Variants in RAB8A observed in about 807,000 individuals in gnomAD.
RAB8A encodes RAB8A, member RAS oncogene family, also known as ras-related protein Rab-8A.
RAB8A carries 5 observed loss-of-function variants against 29.2 expected under a neutral mutation model. The ratio of observed to expected loss-of-function variants is 0.17; its 90% CI spans 0.09 to 0.36. RAB8A has a LOEUF of 0.36. Ranked by LOEUF, RAB8A falls within the 10% of genes least tolerant of loss-of-function variation. RAB8A has a pLI of 1.00. For synonymous variants in RAB8A, 108 were observed against 99.9 expected, an observed-to-expected ratio of 1.08 and a Z score of -0.49; for missense variants, 171 against 272.2, an observed-to-expected ratio of 0.63 and a Z score of 2.62.
At chr19:16,124,991 G>GTT in intron 3 of RAB8A, 2 of 210,414 alleles carry the variant, frequency 9.5e-6, no homozygotes, top group Non-Finnish European at 2.0e-5. Flanking sequence ...GTGGATGTCG[G>GTT]GTCAGGACTT....
In RAB8A at chr19:16,122,720, G is replaced by A. The variant is rs1038879027; in HGVS notation, c.246+910G>A. 1.8e-4 allele frequency among the ~76,000 whole-genome samples: 27 copies of A among 152,204 alleles called. No homozygotes were observed. Among genetic ancestry groups the A allele is most frequent in the African/African-American group, 5.8e-4 (24 of 41,450 alleles). On this transcript the variant is annotated intron_variant, in intron 3 of 7. Transcript: ENST00000300935. This position sits in a 1 kb window ranked among gnomAD's most constrained non-coding sequence, Gnocchi z 4.7. Reference sequence around the variant, plus strand: ...GTTGCTCAGGAAAGACTTGTGGAGGGTGGAGATGGAAGGAGGCATTATGTG... The same window carrying A: ...GTTGCTCAGGAAAGACTTGTGGAGGATGGAGATGGAAGGAGGCATTATGTG...
At position 16,125,575 on chromosome 19, in the gene RAB8A, C is replaced by T. The variant is rs188057639; in HGVS notation, c.324+28C>T. The stretch of plus-strand genomic sequence containing the variant: ...GAGGCCCTCCGGCTCCTCCCACTGT[C>T]CCTGCTTCAGTCCTTGTCCCAGAGC... On this transcript the variant is annotated intron_variant, in intron 4 of 7. Coordinates refer to ENST00000300935, the MANE Select transcript of RAB8A (RefSeq NM_005370.5). This position sits in a 1 kb window ranked among gnomAD's most constrained non-coding sequence, Gnocchi z 5.0. The T allele has an allele frequency of 2.9e-4, 467 of 1,586,174 alleles. 1 individual carries two copies. In the African/African-American group the frequency reaches 6.0e-3, roughly 20 times the overall value.
intron 2 of RAB8A, 51 bp downstream of exon 2, chr19:16,118,337 C>G: frequency 6.5e-7 from 1 of 1,550,164 alleles, no homozygotes; most frequent in South Asian, 1.1e-5. Flanking sequence ...TGGCTTCAAG[C>G]CAGAAGCCCT....
chr19:16,112,167 C>G (rs1175307104), intron 1 of RAB8A, 142 bp downstream of exon 1: 11 of 1,221,628 alleles, frequency 9.0e-6, no homozygotes. Flanking sequence ...GAAGAGCAGT[C>G]GCCTGCACCG....
intron 3 of RAB8A, chr19:16,124,998 A>C: frequency 6.9e-5 from 12 of 173,016 alleles, no homozygotes; most frequent in South Asian, 4.1e-4. Context: ...TCGGGTCAGG[A>C]CTTCCTGGGC....
chr19:16,119,297 C>G (rs914185763), intron 2 of RAB8A, among the ~76,000 whole-genome samples: 2 of 152,280 alleles, frequency 1.3e-5, no homozygotes, highest in Admixed American at 1.3e-4. Flanking sequence ...CCTCTGCCCC[C>G]CGGGTTCAAG....
In RAB8A at chr19:16,125,008, C is replaced by CCGTA; in HGVS notation, c.247-462_247-461insCGTA. The CCGTA allele has an allele frequency of 2.6e-3, 495 of 188,634 alleles. No individual in the cohort carries two copies. The highest frequency in any genetic ancestry group is 0.015 in the South Asian group (139 of 9,560). 11.7% of individuals were successfully genotyped at this position (188,634 alleles called of 1,614,324 possible). ...GGATGTCGGGTCAGGACTTCCTGGGCTCAGTTGTGCCTGGTAGGTGGCTCA... is the reference window on the plus strand; with the variant it reads ...GGATGTCGGGTCAGGACTTCCTGGGCCGTATCAGTTGTGCCTGGTAGGTGGCTCA... On this transcript the variant is annotated intron_variant, in intron 3 of 7. Transcript: ENST00000300935. The surrounding 1 kb of genome is among the most constrained non-coding windows in gnomAD (Gnocchi z 5.0).
In RAB8A at chr19:16,125,639, A is replaced by T. The variant is rs1188446241; in HGVS notation, c.324+92A>T. 1 of 1,222,126 alleles carries T rather than the reference A, an allele frequency of 8.2e-7. No individual in the cohort carries two copies. The highest frequency in any genetic ancestry group is 1.3e-5 in the South Asian group (1 of 78,172). 75.7% of individuals were successfully genotyped at this position (1,222,126 alleles called of 1,614,324 possible). A position where few individuals can be genotyped will look rare whatever the true frequency, so the allele number is the denominator to read the frequency against. On this transcript the variant is annotated intron_variant, in intron 4 of 7. Transcript: ENST00000300935. The surrounding 1 kb of genome is among the most constrained non-coding windows in gnomAD (Gnocchi z 5.0). ...CATGAGAAGGCCAAGGTGCAGAGAC[A>T]CATACAGGCCACTTGCCCACAGCCT...
At chr19:16,112,175 C>T (rs1293024486) in intron 1 of RAB8A, 150 bp downstream of exon 1, 6 of 1,210,444 alleles carry the variant, frequency 5.0e-6, no homozygotes, top group Middle Eastern at 2.9e-4. Flanking sequence ...GTCGCCTGCA[C>T]CGCCGTTCGG....
chr19:16,132,024 T>C lies in RAB8A; in HGVS notation c.532-188T>C, dbSNP rs888371134. On this transcript the variant is annotated intron_variant, in intron 7 of 7. Coordinates refer to ENST00000300935, the MANE Select transcript of RAB8A (RefSeq NM_005370.5). The surrounding 1 kb of genome is among the most constrained non-coding windows in gnomAD (Gnocchi z 5.6). ...ACCTGGCAGATGATGGATGGATGGT[T>C]GGATGGCTCGTTGGTTAGTTGGTTG... 1.3e-5 allele frequency among the ~76,000 whole-genome samples: 2 copies of C among 151,256 alleles called. No individual in the cohort carries two copies. The highest frequency in any genetic ancestry group is 4.9e-5 in the African/African-American group (2 of 41,076).
rs1192847718 is a variant in RAB8A at position 16,132,336 on chromosome 19, C to T, written c.*32C>T. 6.2e-7 allele frequency: 1 copy of T among 1,600,052 alleles called. No homozygotes were observed. Among genetic ancestry groups the T allele is most frequent in the Non-Finnish European group, 8.5e-7 (1 of 1,170,258 alleles). ...CCGCCTTACTCTGAGCCTCGCTCAG[C>T]CCAGCTGACTGTGCCTGTTCTGAGT... On this transcript the variant is annotated 3_prime_UTR_variant, in exon 8 of 8. Transcript: ENST00000300935. The surrounding 1 kb of genome is among the most constrained non-coding windows in gnomAD (Gnocchi z 5.6).
Position 16,125,176 on chromosome 19 carries a change from G to A in RAB8A, c.247-294G>A. 3 of 500,936 alleles carry A rather than the reference G, an allele frequency of 6.0e-6. No individual in the cohort carries two copies. The highest frequency in any genetic ancestry group is 1.1e-5 in the Non-Finnish European group (3 of 273,326). The allele number at this position is 500,936 out of a possible 1,614,324, so 31.0% of individuals were successfully genotyped here. A position where few individuals can be genotyped will look rare whatever the true frequency, so the allele number is the denominator to read the frequency against. On this transcript the variant is annotated intron_variant, in intron 3 of 7. Transcript: ENST00000300935. The surrounding 1 kb of genome is among the most constrained non-coding windows in gnomAD (Gnocchi z 5.0). Reference sequence around the variant, plus strand: ...ACCCCGTGGGCCATGAGGGGAGCCAGCCGGGCTTGTCAGCGAGTGCGTGGC... The same window carrying A: ...ACCCCGTGGGCCATGAGGGGAGCCAACCGGGCTTGTCAGCGAGTGCGTGGC...
chr19:16,112,089 TG>T, intron 1 of RAB8A, 64 bp downstream of exon 1: 1 of 1,592,692 alleles, frequency 6.3e-7, no homozygotes, highest in Non-Finnish European at 8.6e-7. Flanking sequence ...CCTGAGGGGC[TG>T]GGGCTGAGGG....
rs1555714297 is a variant in RAB8A at position 16,125,699 on chromosome 19, A to T, written c.324+152A>T. The T allele has an allele frequency of 1.3e-6, 1 of 795,270 alleles. No homozygotes were observed. Among genetic ancestry groups the T allele is most frequent in the Non-Finnish European group, 2.1e-6 (1 of 467,356 alleles). The allele number at this position is 795,270 out of a possible 1,614,324, so 49.3% of individuals were successfully genotyped here. ...GGACATGGTGGGAGCAGGGACTGAG[A>T]TGCAAGCAGCCGGCCCCAGGGACCA... On this transcript the variant is annotated intron_variant, in intron 4 of 7. Transcript: ENST00000300935. The surrounding 1 kb of genome is among the most constrained non-coding windows in gnomAD (Gnocchi z 5.0).
chr19:16,117,714 TAAAG>T (rs2090852694), intron 1 of RAB8A, among the ~76,000 whole-genome samples: 1 of 151,510 alleles, frequency 6.6e-6, no homozygotes, highest in Non-Finnish European at 1.5e-5. Context: ...AAGGGGGCCT[TAAAG>T]GAGGAGAAGT....
intron 3 of RAB8A, chr19:16,124,920 G>A: frequency 5.5e-6 from 1 of 182,814 alleles, no homozygotes; most frequent in Non-Finnish European, 1.2e-5. Flanking sequence ...AAGGGCCTTG[G>A]CACTCTCGGC....
chr19:16,132,359 A>G lies in RAB8A; in HGVS notation c.*55A>G. ...AGCCCAGCTGACTGTGCCTGTTCTGAGTGAGCCCCTCACTCAGCCGGGGCC... is the reference window on the plus strand; with the variant it reads ...AGCCCAGCTGACTGTGCCTGTTCTGGGTGAGCCCCTCACTCAGCCGGGGCC... On this transcript the variant is annotated 3_prime_UTR_variant, in exon 8 of 8. Transcript: ENST00000300935. The surrounding 1 kb of genome is among the most constrained non-coding windows in gnomAD (Gnocchi z 5.6). 1 of 1,570,890 alleles carries G rather than the reference A, an allele frequency of 6.4e-7. No individual in the cohort carries two copies. Among genetic ancestry groups the G allele is most frequent in the South Asian group, 1.1e-5 (1 of 88,790 alleles).
chr19:16,125,010 C>CAGGAAA lies in RAB8A; in HGVS notation c.247-458_247-457insGAAAAG. 2 of 190,694 alleles carry CAGGAAA rather than the reference C, an allele frequency of 1.0e-5. No homozygotes were observed. The highest frequency in any genetic ancestry group is 9.9e-5 in the South Asian group (1 of 10,052). The allele number at this position is 190,694 out of a possible 1,614,324, so 11.8% of individuals were successfully genotyped here. ...ATGTCGGGTCAGGACTTCCTGGGCTCAGTTGTGCCTGGTAGGTGGCTCAGG... is the reference window on the plus strand; with the variant it reads ...ATGTCGGGTCAGGACTTCCTGGGCTCAGGAAAAGTTGTGCCTGGTAGGTGGCTCAGG... On this transcript the variant is annotated intron_variant, in intron 3 of 7. Transcript: ENST00000300935. The surrounding 1 kb of genome is among the most constrained non-coding windows in gnomAD (Gnocchi z 5.0).
At chr19:16,121,616 T>C (rs1300522827) in intron 2 of RAB8A, 134 bp from the exon 3 acceptor site, 4 of 744,830 alleles carry the variant, frequency 5.4e-6, no homozygotes, top group Non-Finnish European at 9.3e-6. Flanking sequence ...TAGAAGGTGC[T>C]GCCTTAGCAG....
Sources: gnomAD v4.1 joint callset for allele counts (sites outside exome capture counted in the v4.1 genomes callset) on GRCh38, gnomAD v4.1.1 for gene constraint, Gnocchi (gnomAD v3.1) non-coding constraint, MANE v1.5 for transcripts, NCBI Gene and HGNC (gene_info 2026-07-23, HGNC 2026-07-21) for gene names.